The following TNR variants were observed in gnomAD, a reference collection of about 807,000 sequenced individuals.
TNR encodes tenascin-R.
TNR carries 45 observed loss-of-function variants against 150.4 expected under a neutral mutation model. The ratio of observed to expected loss-of-function variants is 0.30; its 90% CI spans 0.24 to 0.38. The LOEUF is 0.38. Among genes scored for constraint, TNR ranks in the 10% least tolerant of loss-of-function variants. The pLI is 1.00. For missense variants in TNR, 1,544 were observed against 1,759.1 expected (o/e 0.88, Z 2.19); for synonymous variants, 687 against 678.4 (o/e 1.01, Z -0.20).
chr1:175,363,609 A>G (rs1651696354), intron 13 of TNR, 99 bp downstream of exon 13: 2 of 1,481,320 alleles, frequency 1.4e-6, no homozygotes, highest in Admixed American at 2.0e-5. Context: ...GAGAAGAGGA[A>G]AAACGCAGGC....
intron 1 of TNR, among the ~76,000 whole-genome samples, chr1:175,550,238 A>G (rs1190038894): frequency 6.6e-6 from 1 of 152,212 alleles, no homozygotes; most frequent in African/African-American, 2.4e-5. Flanking sequence ...TGCACATGAC[A>G]CTGCAAACCG....
chr1:175,637,655 G>A (rs1664527844), intron 1 of TNR, among the ~76,000 whole-genome samples: 1 of 152,146 alleles, frequency 6.6e-6, no homozygotes, highest in Non-Finnish European at 1.5e-5. Flanking sequence ...ATCTTAAGGG[G>A]CCAAAATAAT....
At chr1:175,367,120 C>T in intron 10 of TNR, 88 bp downstream of exon 10, 2 of 1,188,606 alleles carry the variant, frequency 1.7e-6, no homozygotes, top group South Asian at 2.6e-5. Flanking sequence ...ACATTGCTTT[C>T]TGATTAATTT....
chr1:175,540,097 C>A (rs951330228), intron 1 of TNR, among the ~76,000 whole-genome samples: 2 of 152,154 alleles, frequency 1.3e-5, no homozygotes. Context: ...GGGGAGGGAA[C>A]TGGCACTGTT....
chr1:175,571,662 C>A (rs1661876049), intron 1 of TNR, among the ~76,000 whole-genome samples: 1 of 152,192 alleles, frequency 6.6e-6, no homozygotes, highest in Non-Finnish European at 1.5e-5. Context: ...TTGCATTTTT[C>A]ACTCCATGTC....
At chr1:175,679,964 G>A (rs74127401) in intron 1 of TNR, among the ~76,000 whole-genome samples, 1 of 152,202 alleles carries the variant, frequency 6.6e-6, no homozygotes, top group African/African-American at 2.4e-5. Context: ...TGAGGGCCTC[G>A]AGGGAAGACA....
chr1:175,515,845 G>T (rs1170957837), intron 2 of TNR, among the ~76,000 whole-genome samples: 1 of 152,150 alleles, frequency 6.6e-6, no homozygotes, highest in African/African-American at 2.4e-5. Flanking sequence ...CTCACCTTAG[G>T]ACTAAACTAA....
In TNR at chr1:175,739,038, A is replaced by C. The variant is rs552824268; in HGVS notation, c.-165+4188T>G. On this transcript the variant is annotated intron_variant, in intron 1 of 22. Transcript: ENST00000367674. Reference sequence around the variant, plus strand: ...CACTTTGGCTGTCTTCTAACTTTCCATGACATGGTGGTTTAGCAACCAACA... The same window carrying C: ...CACTTTGGCTGTCTTCTAACTTTCCCTGACATGGTGGTTTAGCAACCAACA... 2.0e-5 allele frequency among the ~76,000 whole-genome samples: 3 copies of C among 152,232 alleles called. No individual in the cohort carries two copies. The East Asian group carries it at 5.8e-4, about 29-fold the overall frequency.
At chr1:175,575,202 C>T (rs541344194) in intron 1 of TNR, among the ~76,000 whole-genome samples, 18 of 152,326 alleles carry the variant, frequency 1.2e-4, no homozygotes, top group Admixed American at 4.6e-4. Flanking sequence ...GGTGGCTGTT[C>T]TAACAGCCTG....
rs781505451 is a variant in TNR, at chr1:175,379,559, G to T, written c.1956C>A (p.Thr652=). 8.1e-6 allele frequency: 13 copies of T among 1,613,022 alleles called. No individual in the cohort carries two copies. The highest frequency in any genetic ancestry group is 2.2e-5 in the South Asian group (2 of 91,000). ...GAGATAGGTCTTACTCACCTGTCAG[G>T]GTGGCCCTGGTGGTTGGACCAATGC... is the stretch of plus-strand genomic sequence containing the variant. ...PRGIGPTTRA[T]LTDLVPGTEY... is the part of the protein sequence containing the mutation. The change falls in exon 9 of 23, where the codon ACC becomes ACA. Residue 652 remains threonine (T), a synonymous_variant. Transcript: ENST00000367674.
At chr1:175,531,962 G>T (rs996391173) in intron 1 of TNR, among the ~76,000 whole-genome samples, 5 of 152,202 alleles carry the variant, frequency 3.3e-5, no homozygotes, top group African/African-American at 1.2e-4. Context: ...CTCAATCACA[G>T]ATTTTTCTCC....
In TNR at chr1:175,315,956, G is replaced by A. The variant is rs746086077; in HGVS notation, c.*7401C>T. The A allele has an allele frequency of 6.6e-6, 1 of 152,156 alleles. No individual in the cohort carries two copies. Among genetic ancestry groups the A allele is most frequent in the Non-Finnish European group, 1.5e-5 (1 of 68,030 alleles). 9.4% of individuals were successfully genotyped at this position (152,156 alleles called of 1,614,324 possible). On this transcript the variant is annotated 3_prime_UTR_variant, in exon 23 of 23. Coordinates refer to ENST00000367674, the MANE Select transcript of TNR (RefSeq NM_003285.3). ...GTCTGGGCCTCCGCAGTTGGTAAAG[G>A]AGCACTTAGTTGGCCGACATTTTTG...
At chr1:175,467,477 A>G (rs1418860225) in intron 2 of TNR, among the ~76,000 whole-genome samples, 1 of 152,238 alleles carries the variant, frequency 6.6e-6, no homozygotes, top group Non-Finnish European at 1.5e-5. Context: ...AGAGGACAGA[A>G]GAATTAGGCA....
At chr1:175,585,186 T>C (rs1299395011) in intron 1 of TNR, among the ~76,000 whole-genome samples, 1 of 152,152 alleles carries the variant, frequency 6.6e-6, no homozygotes, top group Non-Finnish European at 1.5e-5. Flanking sequence ...CTATATTTGA[T>C]GGAATAAAAC....
chr1:175,586,356 T>C (rs1476248826), intron 1 of TNR, among the ~76,000 whole-genome samples: 1 of 152,176 alleles, frequency 6.6e-6, no homozygotes, highest in Non-Finnish European at 1.5e-5. Context: ...TGGACAACTT[T>C]CCTTATACTT....
chr1:175,574,444 C>A (rs1662020726), intron 1 of TNR, among the ~76,000 whole-genome samples: 1 of 152,008 alleles, frequency 6.6e-6, no homozygotes, highest in South Asian at 2.1e-4. Context: ...AGAATCACAC[C>A]ATTTCCTCAG....
At chr1:175,445,045 C>T (rs752798373) in intron 2 of TNR, among the ~76,000 whole-genome samples, 1 of 152,036 alleles carries the variant, frequency 6.6e-6, no homozygotes, top group East Asian at 1.9e-4. Context: ...CCAAGGTGGG[C>T]GGATCATAAG....
At chr1:175,700,732 G>T (rs1169427368) in intron 1 of TNR, among the ~76,000 whole-genome samples, 1 of 152,118 alleles carries the variant, frequency 6.6e-6, no homozygotes, top group African/African-American at 2.4e-5. Flanking sequence ...GGGCCCTCTT[G>T]GGTCCCATTT....
At chr1:175,374,919 A>G (rs1652303759) in intron 9 of TNR, among the ~76,000 whole-genome samples, 1 of 152,198 alleles carries the variant, frequency 6.6e-6, no homozygotes, top group South Asian at 2.1e-4. Flanking sequence ...ATGAGGGAAG[A>G]CCAGGTGAGA....
Sources: gnomAD v4.1 joint callset for allele counts (sites outside exome capture counted in the v4.1 genomes callset) on GRCh38, gnomAD v4.1.1 for gene constraint, MANE v1.5 for transcripts, NCBI Gene and HGNC (gene_info 2026-07-23, HGNC 2026-07-21) for gene names.